CADPS2: variants seen among roughly 807,000 people sequenced by gnomAD.
CADPS2 encodes the protein calcium-dependent secretion activator 2.
Under a neutral mutation model 172.5 loss-of-function variants are expected in CADPS2, and 93 were observed. The ratio of observed to expected loss-of-function variants is 0.54; its 90% confidence interval spans 0.46 to 0.64. The LOEUF is 0.64. Ranked by LOEUF, CADPS2 falls within the 30% of genes least tolerant of loss-of-function variation. CADPS2 has a pLI of 0.00. For synonymous variants in CADPS2, 546 were observed against 555.2 expected, an observed-to-expected ratio of 0.98 and a Z score of 0.23; for missense variants, 1,420 against 1,565.9, an observed-to-expected ratio of 0.91 and a Z score of 1.57.
At chr7:122,678,414 A>G (rs1222253469) in intron 2 of CADPS2, among the ~76,000 whole-genome samples, 1 of 152,246 alleles carries the variant, frequency 6.6e-6, no homozygotes, top group African/African-American at 2.4e-5. Flanking sequence ...AATTTTATTA[A>G]TGCAAGGCTG....
At chr7:122,334,913 T>C (rs941034603) in intron 28 of CADPS2, among the ~76,000 whole-genome samples, 7 of 152,230 alleles carry the variant, frequency 4.6e-5, no homozygotes, top group Non-Finnish European at 4.4e-5. Flanking sequence ...TCTTGTTTAA[T>C]ACTGTATTCC....
chr7:122,685,942 T>C (rs2083566000), intron 2 of CADPS2, among the ~76,000 whole-genome samples: 2 of 152,202 alleles, frequency 1.3e-5, no homozygotes, highest in Non-Finnish European at 2.9e-5. Context: ...TACCCTGAAC[T>C]TATTTTCACC....
At chr7:122,702,425 C>T in intron 2 of CADPS2, 1 of 1,613,752 alleles carries the variant, frequency 6.2e-7, no homozygotes. Context: ...AAAAGTACAG[C>T]CTCCACGTTC....
intron 7 of CADPS2, among the ~76,000 whole-genome samples, chr7:122,560,604 C>T (rs533918582): frequency 2.6e-5 from 4 of 152,256 alleles, no homozygotes; most frequent in African/African-American, 7.2e-5. Context: ...GATTAAAAAT[C>T]ACTTCTGCTT....
chr7:122,571,724 G>A (rs1402254209), intron 7 of CADPS2, among the ~76,000 whole-genome samples: 3 of 152,184 alleles, frequency 2.0e-5, no homozygotes, highest in Admixed American at 2.0e-4. Flanking sequence ...TGTGGTGACT[G>A]AGATATGATT....
At chr7:122,701,728 A>T in intron 2 of CADPS2, 1 of 715,442 alleles carries the variant, frequency 1.4e-6, no homozygotes, top group Non-Finnish European at 2.3e-6. Context: ...ATACTTGGGT[A>T]GAGAAGCTGA....
intron 1 of CADPS2, among the ~76,000 whole-genome samples, chr7:122,811,075 G>C (rs1799925329): frequency 6.6e-6 from 1 of 152,178 alleles, no homozygotes; most frequent in Non-Finnish European, 1.5e-5. Context: ...AATGAGGGAA[G>C]AAAAGCATTT....
At chr7:122,815,735 T>C (rs951746892) in intron 1 of CADPS2, among the ~76,000 whole-genome samples, 1 of 152,172 alleles carries the variant, frequency 6.6e-6, no homozygotes. Context: ...ACCACTAAAC[T>C]AGCAGTCACT....
chr7:122,618,311 T>C (rs185271107), intron 5 of CADPS2, among the ~76,000 whole-genome samples: 19 of 152,278 alleles, frequency 1.2e-4, no homozygotes, highest in Admixed American at 1.2e-3. Flanking sequence ...AATTGTGTGC[T>C]AGGCACTGTT....
chr7:122,554,215 T>C (rs1328184817), intron 8 of CADPS2, among the ~76,000 whole-genome samples: 1 of 152,154 alleles, frequency 6.6e-6, no homozygotes. Context: ...AATGCTAAGC[T>C]TGTTTCAACT....
intron 6 of CADPS2, among the ~76,000 whole-genome samples, chr7:122,601,799 G>GA: frequency 6.6e-6 from 1 of 152,038 alleles, no homozygotes; most frequent in East Asian, 1.9e-4. Flanking sequence ...CCTATACTTA[G>GA]AAAATTTTCT....
At chr7:122,803,994 A>T (rs37890) in intron 1 of CADPS2, among the ~76,000 whole-genome samples, 2 of 148,096 alleles carry the variant, frequency 1.4e-5, no homozygotes. Context: ...AAAAAAAAAA[A>T]AAAACACTGC....
At chr7:122,424,886 G>A (rs1389423446) in intron 17 of CADPS2, among the ~76,000 whole-genome samples, 1 of 152,162 alleles carries the variant, frequency 6.6e-6, no homozygotes, top group Non-Finnish European at 1.5e-5. Flanking sequence ...CTTTGCTCTG[G>A]ATAGCTCTGG....
intron 20 of CADPS2, among the ~76,000 whole-genome samples, chr7:122,396,151 T>C (rs1333731031): frequency 2.6e-5 from 4 of 152,014 alleles, no homozygotes; most frequent in Non-Finnish European, 5.9e-5. Context: ...AACTGAGGCA[T>C]AGAGAGTTTA....
chr7:122,655,615 T>C (rs1427889286), intron 3 of CADPS2, among the ~76,000 whole-genome samples: 1 of 151,968 alleles, frequency 6.6e-6, no homozygotes, highest in Non-Finnish European at 1.5e-5. Flanking sequence ...TAAAAAAAAA[T>C]TGTGTGACCT....
chr7:122,441,394 C>A (rs28555167), intron 16 of CADPS2, 118 bp downstream of exon 16: 15,155 of 553,776 alleles, frequency 0.027, 756 homozygotes, highest in African/African-American at 0.16. Context: ...AAACTCATGA[C>A]TTGTGATGGA....
intron 1 of CADPS2, among the ~76,000 whole-genome samples, chr7:122,835,108 G>C (rs1300385158): frequency 6.6e-6 from 1 of 152,230 alleles, no homozygotes; most frequent in East Asian, 1.9e-4. Flanking sequence ...TGATCAGGCA[G>C]CAACATTTGC....
intron 3 of CADPS2, among the ~76,000 whole-genome samples, chr7:122,640,740 G>T (rs1278876381): frequency 6.6e-6 from 1 of 152,126 alleles, no homozygotes; most frequent in African/African-American, 2.4e-5. Context: ...GACCATCCTG[G>T]CTAACATGGT....
chr7:122,646,846 CT>C (rs1464638340), intron 3 of CADPS2, among the ~76,000 whole-genome samples: 1 of 152,050 alleles, frequency 6.6e-6, no homozygotes, highest in East Asian at 1.9e-4. Context: ...TACTGTCATG[CT>C]CCCTATGTGA....
Sources: allele counts gnomAD v4.1 joint callset (sites outside exome capture counted in the v4.1 genomes callset), GRCh38; gene constraint gnomAD v4.1.1; transcripts MANE v1.5; gene names NCBI Gene and HGNC (gene_info 2026-07-23, HGNC 2026-07-21).